PCDHGA3: variants seen among roughly 807,000 people sequenced by gnomAD.
The protein encoded by PCDHGA3 is protocadherin gamma subfamily A, 3, also known as protocadherin gamma-A3.
In PCDHGA3, 40 loss-of-function variants were observed where a neutral mutation model predicts 58.5. The observed-to-expected ratio is 0.68, with a 90% CI of 0.53 to 0.89. PCDHGA3 has a LOEUF of 0.89. PCDHGA3 is among the 40% of genes least tolerant of loss of function. The pLI, the probability that PCDHGA3 is intolerant of heterozygous loss-of-function variation, is 0.00. For synonymous variants in PCDHGA3, 530 were observed against 525.7 expected, an observed-to-expected ratio of 1.01 and a Z score of -0.11; for missense variants, 1,223 against 1,195.9, an observed-to-expected ratio of 1.02 and a Z score of -0.33.
At position 141,477,592 on chromosome 5, in the gene PCDHGA3, T is replaced by G; in HGVS notation, c.2425-17215T>G. On this transcript the variant is annotated intron_variant, in intron 1 of 3. Coordinates refer to ENST00000253812, the MANE Select transcript of PCDHGA3 (RefSeq NM_018916.4). The surrounding 1 kb of genome is among the most constrained non-coding windows in gnomAD (Gnocchi z 4.9). ...CCGACGCCCCGCAGAATGCTCGGCT[T>G]TCTTTCTTTCTCTTGGAGCAAGGAG... The G allele has an allele frequency of 6.2e-7, 1 of 1,614,142 alleles. No homozygotes were observed. Among genetic ancestry groups the G allele is most frequent in the Non-Finnish European group, 8.5e-7 (1 of 1,180,014 alleles).
intron 1 of PCDHGA3, chr5:141,413,963 C>T (rs1368202031): frequency 6.8e-6 from 11 of 1,613,446 alleles, no homozygotes; most frequent in Non-Finnish European, 9.3e-6. Context: ...CCTGTGGGCA[C>T]TCAGCTGCTG....
At chr5:141,347,276 C>T (rs1757945210) in intron 1 of PCDHGA3, among the ~76,000 whole-genome samples, 2 of 151,902 alleles carry the variant, frequency 1.3e-5, no homozygotes, top group East Asian at 1.9e-4. Context: ...ACCTCAGCCT[C>T]CCGAGTAGCT....
Position 141,431,248 on chromosome 5 carries a change from G to A in PCDHGA3, c.2425-63559G>A. ...CCCACGCCTGGGATCCGGATATCGGGAAGAACTCTCTGCAGAGCTACGAGC... is the reference window on the plus strand; with the variant it reads ...CCCACGCCTGGGATCCGGATATCGGAAAGAACTCTCTGCAGAGCTACGAGC... On this transcript the variant is annotated intron_variant, in intron 1 of 3. Transcript: ENST00000253812. This position sits in a 1 kb window ranked among gnomAD's most constrained non-coding sequence, Gnocchi z 4.8. 2 of 1,614,140 alleles carry A rather than the reference G, an allele frequency of 1.2e-6. No homozygotes were observed. Among genetic ancestry groups the A allele is most frequent in the Non-Finnish European group, 1.7e-6 (2 of 1,180,048 alleles).
At chr5:141,474,834 A>G (rs557557147) in intron 1 of PCDHGA3, among the ~76,000 whole-genome samples, 4 of 152,380 alleles carry the variant, frequency 2.6e-5, no homozygotes, top group South Asian at 4.1e-4. Context: ...ACTCTGTGCC[A>G]GGCACTTTAC....
At chr5:141,377,672 C>CAAG (rs1410106152) in intron 1 of PCDHGA3, 2 of 151,680 alleles carry the variant, frequency 1.3e-5, no homozygotes, top group Admixed American at 1.3e-4. Context: ...GACGTTCATA[C>CAAG]AAGAGATCTT....
intron 1 of PCDHGA3, chr5:141,399,381 C>T: frequency 1.2e-6 from 2 of 1,613,982 alleles, no homozygotes; most frequent in Non-Finnish European, 8.5e-7. Flanking sequence ...ATGTCACCAT[C>T]ACAGCCACAG....
At chr5:141,415,974 C>T (rs2095976813) in intron 1 of PCDHGA3, 1 of 375,644 alleles carries the variant, frequency 2.7e-6, no homozygotes, top group African/African-American at 2.1e-5. Flanking sequence ...GCCCCTTAAG[C>T]AACCCTCTTG....
At chr5:141,399,719 G>A (rs773556952) in intron 1 of PCDHGA3, 13 of 1,613,168 alleles carry the variant, frequency 8.1e-6, no homozygotes, top group Non-Finnish European at 1.1e-5. Flanking sequence ...CTACAGGCCC[G>A]CGACCAGGGC....
intron 1 of PCDHGA3, among the ~76,000 whole-genome samples, chr5:141,347,820 G>C (rs1321611329): frequency 6.6e-6 from 1 of 151,918 alleles, no homozygotes; most frequent in Admixed American, 6.6e-5. Flanking sequence ...TGGTCAAATG[G>C]TTTTACCTAT....
At chr5:141,379,835 A>G (rs898204627) in intron 1 of PCDHGA3, among the ~76,000 whole-genome samples, 9 of 143,642 alleles carry the variant, frequency 6.3e-5, no homozygotes, top group Non-Finnish European at 3.1e-5. Context: ...AAGCATCAGG[A>G]AAAAAAACTA....
chr5:141,365,193 T>A, intron 1 of PCDHGA3: 2 of 1,613,762 alleles, frequency 1.2e-6, no homozygotes, highest in Non-Finnish European at 1.7e-6. Flanking sequence ...GAAGAAAAAA[T>A]TTCGGAGACT....
intron 1 of PCDHGA3, chr5:141,410,511 G>C (rs755576652): frequency 6.2e-7 from 1 of 1,613,824 alleles, no homozygotes; most frequent in Non-Finnish European, 8.5e-7. Flanking sequence ...CTAAAATGCA[G>C]TGTGCCCCTA....
At chr5:141,393,050 G>A (rs1270447503) in intron 1 of PCDHGA3, 2 of 1,613,668 alleles carry the variant, frequency 1.2e-6, no homozygotes, top group East Asian at 2.2e-5. Flanking sequence ...CTCTGAACCC[G>A]CGCAGCGGCA....
intron 1 of PCDHGA3, chr5:141,366,731 A>G: frequency 6.2e-7 from 1 of 1,613,012 alleles, no homozygotes; most frequent in Non-Finnish European, 8.5e-7. Flanking sequence ...AGATGCAAAC[A>G]AAGAAGAACG....
In PCDHGA3 at chr5:141,511,342, C is replaced by G. The variant is rs2099883728; in HGVS notation, c.*169C>G. The stretch of plus-strand genomic sequence containing the variant: ...AACAAGTGCCCAGTCAGCACCTACC[C>G]CTTCCCCCCCAGGGGGTTGAATATG... On this transcript the variant is annotated 3_prime_UTR_variant, in exon 4 of 4. Coordinates refer to ENST00000253812, the MANE Select transcript of PCDHGA3 (RefSeq NM_018916.4). 1 of 1,424,960 alleles carries G rather than the reference C, an allele frequency of 7.0e-7. No homozygotes were observed. Among genetic ancestry groups the G allele is most frequent in the Admixed American group, 2.6e-5 (1 of 38,556 alleles). 88.3% of individuals were successfully genotyped at this position (1,424,960 alleles called of 1,614,324 possible).
chr5:141,378,321 G>C (rs1295221856), intron 1 of PCDHGA3: 1 of 152,218 alleles, frequency 6.6e-6, no homozygotes, highest in African/African-American at 2.4e-5. Context: ...TCAGGAGTTC[G>C]AGACCAGCCT....
chr5:141,379,132 AG>A (rs1236158161), intron 1 of PCDHGA3: 1 of 152,236 alleles, frequency 6.6e-6, no homozygotes, highest in East Asian at 1.9e-4. Flanking sequence ...AAAATAAATG[AG>A]AACCTCCTTT....
At chr5:141,466,123 A>G (rs961197575) in intron 1 of PCDHGA3, among the ~76,000 whole-genome samples, 1 of 151,364 alleles carries the variant, frequency 6.6e-6, no homozygotes, top group African/African-American at 2.4e-5. Flanking sequence ...CTCCAGCTCA[A>G]AAAAAAAATC....
intron 1 of PCDHGA3, among the ~76,000 whole-genome samples, chr5:141,434,703 G>C (rs1198306104): frequency 6.6e-6 from 1 of 151,730 alleles, no homozygotes; most frequent in Non-Finnish European, 1.5e-5. Context: ...TAAATATGTG[G>C]GTAAATCTCT....
Sources: gnomAD v4.1 joint callset for allele counts (sites outside exome capture counted in the v4.1 genomes callset) on GRCh38, gnomAD v4.1.1 for gene constraint, Gnocchi (gnomAD v3.1) non-coding constraint, MANE v1.5 for transcripts, NCBI Gene and HGNC (gene_info 2026-07-23, HGNC 2026-07-21) for gene names.